RAD18: variants seen among roughly 807,000 people sequenced by gnomAD.
RAD18 encodes E3 ubiquitin-protein ligase RAD18.
Under a neutral mutation model 60.4 loss-of-function variants are expected in RAD18, and 47 were observed. That is an observed-to-expected ratio of 0.78 (90% CI 0.62 to 0.99). The LOEUF is 0.99. Ranked by LOEUF, RAD18 falls within the 50% of genes least tolerant of loss-of-function variation. The pLI, the probability that RAD18 is intolerant of heterozygous loss-of-function variation, is 0.00. For missense variants in RAD18, 640 were observed against 593.3 expected (o/e 1.08, Z -0.82); for synonymous variants, 225 against 195.5 (o/e 1.15, Z -1.26).
intron 2 of RAD18, among the ~76,000 whole-genome samples, chr3:8,956,558 C>G (rs1247380656): frequency 1.3e-5 from 2 of 152,108 alleles, no homozygotes; most frequent in African/African-American, 4.8e-5. Flanking sequence ...ACTGAAATCA[C>G]AGATAAGGGG....
At chr3:8,902,282 C>A in intron 10 of RAD18, 98 bp downstream of exon 10, 2 of 1,165,750 alleles carry the variant, frequency 1.7e-6, no homozygotes, top group South Asian at 2.0e-5. Flanking sequence ...TTTCAAAGAA[C>A]TAAGAACTCC....
intron 12 of RAD18, among the ~76,000 whole-genome samples, chr3:8,889,274 T>G (rs1939639381): frequency 6.6e-6 from 1 of 152,234 alleles, no homozygotes; most frequent in African/African-American, 2.4e-5. Flanking sequence ...CCATCACTTA[T>G]TACTTATTGC....
chr3:8,912,441 C>T, intron 8 of RAD18, 69 bp from the exon 9 acceptor site: 3 of 1,082,494 alleles, frequency 2.8e-6, no homozygotes, highest in Middle Eastern at 2.1e-4. Context: ...TATTACAAAC[C>T]TTCAAATCTC....
rs1575555762 is a variant in RAD18, at chr3:8,936,766, G to A, written c.705-711C>T. ...CTGTCCCAAACGTTAGTGTACCTAA[G>A]AAGCACCTAAAGAGTTTATTTAAAA... On this transcript the variant is annotated intron_variant, in intron 6 of 12. Coordinates refer to ENST00000264926, the MANE Select transcript of RAD18 (RefSeq NM_020165.4). 2.6e-5 allele frequency among the ~76,000 whole-genome samples: 4 copies of A among 152,284 alleles called. No homozygotes were observed. The South Asian group carries it at 8.3e-4, about 32-fold the overall frequency.
Position 8,947,149 on chromosome 3 carries a change from G to A in RAD18, c.266+71C>T, listed in dbSNP as rs544288209. 7.7e-6 allele frequency: 9 copies of A among 1,174,174 alleles called. No individual in the cohort carries two copies. The African/African-American group carries it at 1.2e-4, about 16-fold the overall frequency. The allele number at this position is 1,174,174 out of a possible 1,614,324, so 72.7% of individuals were successfully genotyped here. On this transcript the variant is annotated intron_variant, in intron 4 of 12. Transcript: ENST00000264926. ...ACCCTGCATTCCCTAATCCAAAGGT[G>A]CACAAAGTAAAGAGAGAACACATAT...
chr3:8,917,680 TA>T (rs1940230783), intron 7 of RAD18, among the ~76,000 whole-genome samples: 1 of 128,930 alleles, frequency 7.8e-6, no homozygotes, highest in African/African-American at 2.5e-5. Flanking sequence ...AATATAATAA[TA>T]AAAATGCTCA....
intron 4 of RAD18, among the ~76,000 whole-genome samples, chr3:8,943,096 T>G (rs1221219490): frequency 6.6e-6 from 1 of 152,204 alleles, no homozygotes; most frequent in African/African-American, 2.4e-5. Flanking sequence ...GATGAAGAGC[T>G]GATAATTTAA....
Position 8,890,382 on chromosome 3 carries a change from A to T in RAD18, c.1385+7T>A. 1 of 1,565,838 alleles carries T rather than the reference A, an allele frequency of 6.4e-7. No individual in the cohort carries two copies. Among genetic ancestry groups the T allele is most frequent in the Non-Finnish European group, 8.8e-7 (1 of 1,136,416 alleles). ...TGCATGCTTATTTCATGATTATGAG[A>T]ACTCACTTATGTGATGCTTCCCAGG... On this transcript the variant is annotated splice_region_variant and intron_variant, in intron 12 of 12. Coordinates refer to ENST00000264926, the MANE Select transcript of RAD18 (RefSeq NM_020165.4).
chr3:8,937,175 A>G (rs1940667679), intron 6 of RAD18, among the ~76,000 whole-genome samples: 1 of 152,244 alleles, frequency 6.6e-6, no homozygotes, highest in Admixed American at 6.5e-5. Context: ...AAATCTCAGT[A>G]GGTAGCAACA....
intron 4 of RAD18, among the ~76,000 whole-genome samples, chr3:8,943,029 C>T (rs762481217): frequency 1.3e-5 from 2 of 152,164 alleles, no homozygotes; most frequent in African/African-American, 2.4e-5. Flanking sequence ...GAAATATAAA[C>T]AAAGCTCAAA....
intron 2 of RAD18, among the ~76,000 whole-genome samples, chr3:8,951,742 C>G (rs1238803549): frequency 6.6e-6 from 1 of 152,174 alleles, no homozygotes; most frequent in Non-Finnish European, 1.5e-5. Flanking sequence ...GTACAAAAGA[C>G]TACAGGAAAG....
chr3:8,903,972 C>T (rs1939960508), intron 9 of RAD18, among the ~76,000 whole-genome samples: 1 of 152,202 alleles, frequency 6.6e-6, no homozygotes, highest in African/African-American at 2.4e-5. Flanking sequence ...TCCCAAGATT[C>T]CAGCCATTCA....
chr3:8,927,219 C>A (rs1026114910), intron 7 of RAD18, among the ~76,000 whole-genome samples: 32 of 152,078 alleles, frequency 2.1e-4, no homozygotes, highest in African/African-American at 7.7e-4. Context: ...ACAAGAAAAA[C>A]ACAAACAAAC....
chr3:8,877,100 T>G lies in RAD18; in HGVS notation c.*4257A>C, dbSNP rs116742794. ...TGACTTCCATAACTTTATTCTAATATTTTGTATTTTGGAATCAAAGGAGTC... is the reference window on the plus strand; with the variant it reads ...TGACTTCCATAACTTTATTCTAATAGTTTGTATTTTGGAATCAAAGGAGTC... On this transcript the variant is annotated 3_prime_UTR_variant, in exon 13 of 13. Coordinates refer to ENST00000264926, the MANE Select transcript of RAD18 (RefSeq NM_020165.4). 961 of 152,332 alleles carry G rather than the reference T, an allele frequency of 6.3e-3. 7 individuals are homozygous for G. Among genetic ancestry groups the G allele is most frequent in the African/African-American group, 0.021 (869 of 41,564 alleles). The allele number at this position is 152,332 out of a possible 1,614,324, so 9.4% of individuals were successfully genotyped here.
At chr3:8,901,239 T>C (rs1939907173) in intron 10 of RAD18, among the ~76,000 whole-genome samples, 1 of 152,188 alleles carries the variant, frequency 6.6e-6, no homozygotes, top group South Asian at 2.1e-4. Flanking sequence ...GAATGTAAGA[T>C]AATGCAGCCA....
rs1418030254 is a variant in RAD18, at chr3:8,948,537, T to C, written c.167A>G (p.Tyr56Cys). 4 of 1,613,152 alleles carry C rather than the reference T, an allele frequency of 2.5e-6. No homozygotes were observed. The highest frequency in any genetic ancestry group is 1.3e-5 in the African/African-American group (1 of 75,012). The change falls in exon 3 of 13, where the codon TAT becomes TGT. Residue 56 changes from tyrosine (Y) to cysteine (C), a missense_variant. By Grantham distance (194) the Tyr-to-Cys change is radical (BLOSUM62 -2). Transcript: ENST00000264926. Reference sequence around the variant, plus strand: ...ACAGCAAGTTGGACACTGAGTTTTATAGGACAGAAATTTTCTTATACAGAG... The same window carrying C: ...ACAGCAAGTTGGACACTGAGTTTTACAGGACAGAAATTTTCTTATACAGAG... ...CSLCIRKFLS[Y>C]KTQCPTCCVT...
intron 7 of RAD18, among the ~76,000 whole-genome samples, chr3:8,926,016 C>T (rs1465403324): frequency 2.6e-5 from 4 of 151,298 alleles, no homozygotes; most frequent in Admixed American, 6.6e-5. Flanking sequence ...CAGGGATGCC[C>T]TCTCTCACCA....
intron 12 of RAD18, among the ~76,000 whole-genome samples, chr3:8,882,487 C>A (rs879363483): frequency 3.3e-5 from 5 of 152,112 alleles, no homozygotes; most frequent in Non-Finnish European, 7.4e-5. Context: ...GAAAGGCCCA[C>A]CCCTGAGACT....
At chr3:8,882,140 TC>T (rs1487482839) in intron 12 of RAD18, among the ~76,000 whole-genome samples, 1 of 34,840 alleles carries the variant, frequency 2.9e-5, no homozygotes, top group Admixed American at 3.0e-4. Context: ...CAGGAAGAAG[TC>T]AAGTCCTGCC....
Sources: allele counts gnomAD v4.1 joint callset (sites outside exome capture counted in the v4.1 genomes callset), GRCh38; gene constraint gnomAD v4.1.1; transcripts MANE v1.5; gene names NCBI Gene and HGNC (gene_info 2026-07-23, HGNC 2026-07-21).